MRTFB: variants seen among roughly 807,000 people sequenced by gnomAD.
MRTFB encodes the protein myocardin related transcription factor B, also known as myocardin-related transcription factor B.
MRTFB carries 29 observed loss-of-function variants against 104.2 expected under a neutral mutation model. That is an observed-to-expected ratio of 0.28 (90% confidence interval 0.21 to 0.38). The LOEUF (loss-of-function observed/expected upper bound fraction) is 0.38, where lower values mean the gene tolerates loss of function less well. MRTFB is among the 10% of genes least tolerant of loss of function. The pLI is 1.00. For missense variants in MRTFB, 1,270 were observed against 1,341.6 expected (o/e 0.95, Z 0.83); for synonymous variants, 535 against 519.5 (o/e 1.03, Z -0.41).
At chr16:14,014,923 C>T in the MRTFB span, among the ~76,000 whole-genome samples, 1 of 152,110 alleles carries the variant, frequency 6.6e-6, no homozygotes, top group Non-Finnish European at 1.5e-5. Context: ...CTTTTCCTTG[C>T]TATTCTCATC....
upstream of MRTFB, among the ~76,000 whole-genome samples, chr16:14,067,318 G>A (rs1352700546): frequency 6.6e-6 from 1 of 151,446 alleles, no homozygotes; most frequent in Non-Finnish European, 1.5e-5. Flanking sequence ...TGCCTCCTGG[G>A]TTCAAGTGAT....
intron 7 of MRTFB, among the ~76,000 whole-genome samples, chr16:14,218,585 A>G (rs1178815307): frequency 3.9e-5 from 6 of 151,964 alleles, no homozygotes; most frequent in Admixed American, 1.3e-4. Context: ...CTTGTACTTC[A>G]TGTAACTGGT....
chr16:14,017,918 T>C, the MRTFB span, among the ~76,000 whole-genome samples: 1 of 150,894 alleles, frequency 6.6e-6, no homozygotes, highest in African/African-American at 2.4e-5. Flanking sequence ...AATGGGTTCT[T>C]GCTATGTTGC....
chr16:14,172,965 T>C (rs1378575596), intron 3 of MRTFB, among the ~76,000 whole-genome samples: 1 of 152,222 alleles, frequency 6.6e-6, no homozygotes, highest in African/African-American at 2.4e-5. Context: ...GTCCTGTTTT[T>C]ATTGCATCTA....
chr16:14,238,642 T>C lies in MRTFB; in HGVS notation c.832-1595T>C, dbSNP rs182544696. On this transcript the variant is annotated intron_variant, in intron 9 of 16. Coordinates refer to ENST00000571589, the MANE Select transcript of MRTFB (RefSeq NM_001308142.2). ...TAAGAGACCAGAATGTTAGAAGGAT[T>C]GTACATGTGGATATTAAAATCATCA... Among the ~76,000 whole-genome samples the C allele has an allele frequency of 2.4e-4, 37 of 152,250 alleles. 1 individual carries two copies. The East Asian group carries it at 7.1e-3, about 29-fold the overall frequency.
At chr16:14,229,290 T>C (rs879336011) in intron 8 of MRTFB, among the ~76,000 whole-genome samples, 4 of 152,242 alleles carry the variant, frequency 2.6e-5, no homozygotes, top group South Asian at 2.1e-4. Flanking sequence ...AGCTAGAGTT[T>C]TACGTAAAAT....
At chr16:14,022,550 C>T in the MRTFB span, among the ~76,000 whole-genome samples, 1 of 152,086 alleles carries the variant, frequency 6.6e-6, no homozygotes, top group South Asian at 2.1e-4. Context: ...GCGTATGCCA[C>T]CACACCCAGC....
At chr16:14,022,193 A>G in the MRTFB span, among the ~76,000 whole-genome samples, 1 of 152,206 alleles carries the variant, frequency 6.6e-6, no homozygotes, top group African/African-American at 2.4e-5. Context: ...TAGAGTCTAC[A>G]TGTGTTTGGA....
chr16:14,218,731 T>C (rs1319003758), intron 7 of MRTFB, 89 bp from the exon 8 acceptor site: 13 of 1,344,620 alleles, frequency 9.7e-6, no homozygotes, highest in Non-Finnish European at 1.3e-5. Flanking sequence ...TTCATAAATT[T>C]TCATAGGAAA....
At chr16:14,063,729 T>C in the MRTFB span, among the ~76,000 whole-genome samples, 1 of 152,348 alleles carries the variant, frequency 6.6e-6, no homozygotes, top group East Asian at 1.9e-4. Context: ...AGGTCAAGGA[T>C]GGGCAGGATG....
chr16:14,109,538 C>T (rs1468639644), intron 2 of MRTFB, among the ~76,000 whole-genome samples: 1 of 152,146 alleles, frequency 6.6e-6, no homozygotes, highest in African/African-American at 2.4e-5. Context: ...TCAAATAGTT[C>T]AGTACTGTCC....
intron 8 of MRTFB, among the ~76,000 whole-genome samples, chr16:14,219,555 T>C (rs1309873883): frequency 6.6e-6 from 1 of 152,252 alleles, no homozygotes; most frequent in African/African-American, 2.4e-5. Flanking sequence ...TTGATAAGCC[T>C]GGCATCATAG....
chr16:14,122,089 C>T (rs2142301519), intron 2 of MRTFB, among the ~76,000 whole-genome samples: 1 of 152,194 alleles, frequency 6.6e-6, no homozygotes, highest in South Asian at 2.1e-4. Flanking sequence ...TGCCAGGCTG[C>T]CTCCACTCTC....
rs768257051 is a variant in MRTFB at position 14,177,905 on chromosome 16, T to TGA, written c.155-32337_155-32336insAG. On this transcript the variant is annotated intron_variant, in intron 3 of 16. Transcript: ENST00000571589. The surrounding 1 kb of genome is among the most constrained non-coding windows in gnomAD (Gnocchi z 4.7). ...AGAAGTACATGAACCAGAGGTAGGG[T>TGA]GTGTGTGTGTGTGTGTGTGTGTGTG... is the stretch of plus-strand genomic sequence containing the variant. Among the ~76,000 whole-genome samples the TGA allele has an allele frequency of 8.6e-6, 1 of 116,120 alleles. No homozygotes were observed. The highest frequency in any genetic ancestry group is 1.6e-5 in the Non-Finnish European group (1 of 61,198). 76.2% of individuals were successfully genotyped at this position (116,120 alleles called of 152,430 possible). A position where few individuals can be genotyped will look rare whatever the true frequency, so the allele number is the denominator to read the frequency against.
At chr16:14,021,364 C>T in the MRTFB span, among the ~76,000 whole-genome samples, 1 of 152,170 alleles carries the variant, frequency 6.6e-6, no homozygotes, top group African/African-American at 2.4e-5. Context: ...CCATGTGGCT[C>T]GCTCCTACAG....
At chr16:14,173,786 T>C (rs1021943020) in intron 3 of MRTFB, among the ~76,000 whole-genome samples, 2 of 152,202 alleles carry the variant, frequency 1.3e-5, no homozygotes, top group African/African-American at 4.8e-5. Context: ...CTTTGTCATA[T>C]ACTTTATTTT....
intron 3 of MRTFB, among the ~76,000 whole-genome samples, chr16:14,188,075 G>T (rs1281096716): frequency 3.9e-5 from 6 of 152,168 alleles, no homozygotes; most frequent in African/African-American, 7.2e-5. Context: ...TGCTGGAGTT[G>T]AACTACTCTT....
intron 3 of MRTFB, among the ~76,000 whole-genome samples, chr16:14,170,720 A>C (rs984992587): frequency 1.3e-5 from 2 of 152,208 alleles, no homozygotes; most frequent in African/African-American, 4.8e-5. Flanking sequence ...TTATAGGGTC[A>C]GAGAGTTTAG....
At chr16:14,024,472 G>A in the MRTFB span, among the ~76,000 whole-genome samples, 117 of 152,306 alleles carry the variant, frequency 7.7e-4, no homozygotes, top group Non-Finnish European at 1.5e-3. Context: ...AATGTAAATT[G>A]ATATGGCCAC....
Sources: allele counts gnomAD v4.1 joint callset (sites outside exome capture counted in the v4.1 genomes callset), GRCh38; gene constraint gnomAD v4.1.1; non-coding constraint Gnocchi (gnomAD v3.1); transcripts MANE v1.5; gene names NCBI Gene and HGNC (gene_info 2026-07-23, HGNC 2026-07-21).